Variants in CPNE8 observed in about 807,000 individuals in gnomAD.
CPNE8 encodes the protein copine 8.
A neutral mutation model predicts 81.5 loss-of-function variants in CPNE8; 45 were observed. The observed-to-expected ratio is 0.55, with a 90% CI of 0.44 to 0.71. The LOEUF (loss-of-function observed/expected upper bound fraction) is 0.71, where lower values mean the gene tolerates loss of function less well. CPNE8 is among the 30% of genes least tolerant of loss of function. The pLI is 0.00. For missense variants in CPNE8, 594 were observed against 672.1 expected (o/e 0.88, Z 1.28); for synonymous variants, 252 against 226.3 (o/e 1.11, Z -1.02).
chr12:38,673,363 T>C (rs1939221339), intron 18 of CPNE8, among the ~76,000 whole-genome samples: 1 of 152,164 alleles, frequency 6.6e-6, no homozygotes, highest in African/African-American at 2.4e-5. Flanking sequence ...TCAGTTCATA[T>C]GTGTGATATA....
At chr12:38,894,924 G>A (rs1410490715) in intron 1 of CPNE8, among the ~76,000 whole-genome samples, 1 of 152,026 alleles carries the variant, frequency 6.6e-6, no homozygotes, top group Non-Finnish European at 1.5e-5. Flanking sequence ...TGCAGACAGT[G>A]AGAAACAATT....
chr12:38,768,591 C>T (rs1425802873), intron 7 of CPNE8, among the ~76,000 whole-genome samples: 1 of 152,188 alleles, frequency 6.6e-6, no homozygotes, highest in Non-Finnish European at 1.5e-5. Flanking sequence ...ATGATCTCGG[C>T]TCACTGCAAG....
At chr12:38,869,623 TC>T (rs1943961758) in intron 3 of CPNE8, among the ~76,000 whole-genome samples, 4 of 152,186 alleles carry the variant, frequency 2.6e-5, no homozygotes, top group Admixed American at 2.6e-4. Flanking sequence ...AATGCTTGTC[TC>T]TTGCATTTCG....
At chr12:38,741,417 A>C (rs2136794453) in intron 10 of CPNE8, among the ~76,000 whole-genome samples, 1 of 152,376 alleles carries the variant, frequency 6.6e-6, no homozygotes, top group South Asian at 2.1e-4. Flanking sequence ...ACCTGACAAA[A>C]ACAAGAAATG....
At chr12:38,755,769 G>T (rs1941443175) in intron 10 of CPNE8, among the ~76,000 whole-genome samples, 1 of 152,040 alleles carries the variant, frequency 6.6e-6, no homozygotes, top group African/African-American at 2.4e-5. Flanking sequence ...GGCCGGGCGC[G>T]GTGGCTCACG....
intron 6 of CPNE8, among the ~76,000 whole-genome samples, chr12:38,787,601 T>A (rs2136920362): frequency 6.7e-6 from 1 of 149,666 alleles, no homozygotes; most frequent in East Asian, 2.0e-4. Context: ...ATAATAAAGA[T>A]CAAAGCAGAA....
chr12:38,762,674 T>A (rs1037434979), intron 8 of CPNE8, among the ~76,000 whole-genome samples: 1 of 152,000 alleles, frequency 6.6e-6, no homozygotes, highest in Non-Finnish European at 1.5e-5. Flanking sequence ...AAGAAAAAAG[T>A]TAGGCTAATT....
At chr12:38,798,657 G>C (rs944824376) in intron 6 of CPNE8, among the ~76,000 whole-genome samples, 25 of 150,750 alleles carry the variant, frequency 1.7e-4, no homozygotes, top group Admixed American at 5.3e-4. Context: ...GCAAAATAAC[G>C]AGCTAACATC....
intron 6 of CPNE8, among the ~76,000 whole-genome samples, chr12:38,828,017 T>TA (rs964587016): frequency 1.3e-5 from 2 of 152,206 alleles, no homozygotes; most frequent in Non-Finnish European, 2.9e-5. Context: ...TACCCATTCA[T>TA]AAAAATCTCT....
intron 5 of CPNE8, among the ~76,000 whole-genome samples, chr12:38,836,339 CAATT>C (rs1943380899): frequency 6.6e-6 from 1 of 152,058 alleles, no homozygotes; most frequent in Non-Finnish European, 1.5e-5. Flanking sequence ...CAAATAGAAT[CAATT>C]AAAGTAATTA....
intron 19 of CPNE8, among the ~76,000 whole-genome samples, chr12:38,655,491 T>A (rs1373189825): frequency 6.6e-6 from 1 of 152,202 alleles, no homozygotes; most frequent in East Asian, 1.9e-4. Context: ...GTTGAACAAT[T>A]TGAGTACAAT....
chr12:38,825,045 G>C (rs1380736536), intron 6 of CPNE8, among the ~76,000 whole-genome samples: 1 of 152,204 alleles, frequency 6.6e-6, no homozygotes, highest in Non-Finnish European at 1.5e-5. Context: ...GCAGGAGGCA[G>C]TGGAAACTAT....
At chr12:38,876,063 T>C (rs370640681) in intron 1 of CPNE8, among the ~76,000 whole-genome samples, 2 of 152,172 alleles carry the variant, frequency 1.3e-5, no homozygotes, top group East Asian at 3.8e-4. Flanking sequence ...GTGCAAAATA[T>C]TGTGATGTGG....
At position 38,854,120 on chromosome 12, in the gene CPNE8, A is replaced by G. The variant is rs117747351; in HGVS notation, c.187-5458T>C. Among the ~76,000 whole-genome samples, 561 of 152,214 alleles carry G rather than the reference A, an allele frequency of 3.7e-3. 5 individuals carry two copies. Among genetic ancestry groups the G allele is most frequent in the East Asian group, 0.033 (172 of 5,176 alleles). On this transcript the variant is annotated intron_variant, in intron 3 of 19. Transcript: ENST00000331366. The stretch of plus-strand genomic sequence containing the variant: ...AGTACGGTAGGCAGAATATTCTGAC[A>G]TAATATTAAGATAAATTTAATCTAA...
chr12:38,861,354 T>C (rs1178194128), intron 3 of CPNE8, among the ~76,000 whole-genome samples: 1 of 152,164 alleles, frequency 6.6e-6, no homozygotes, highest in East Asian at 1.9e-4. Context: ...TTAAAGGTCA[T>C]ATATTAAGTG....
chr12:38,894,657 C>T (rs1228388140), intron 1 of CPNE8, among the ~76,000 whole-genome samples: 1 of 65,204 alleles, frequency 1.5e-5, no homozygotes, highest in Non-Finnish European at 3.1e-5. Flanking sequence ...CACTCCAGCT[C>T]ACTCTCTCTC....
rs115595524 is a variant in CPNE8 at position 38,771,004 on chromosome 12, T to G, written c.472-3266A>C. 4.9e-3 allele frequency among the ~76,000 whole-genome samples: 753 copies of G among 152,196 alleles called. 5 individuals are homozygous for G. The highest frequency in any genetic ancestry group is 0.017 in the African/African-American group (704 of 41,522). Reference sequence around the variant, plus strand: ...GTGTTCATTAAAAACAAGGACCAGGTTTGGGGGTTGTGGTGTTGTGTTTTG... The same window carrying G: ...GTGTTCATTAAAAACAAGGACCAGGGTTGGGGGTTGTGGTGTTGTGTTTTG... On this transcript the variant is annotated intron_variant, in intron 7 of 19. Coordinates refer to ENST00000331366, the MANE Select transcript of CPNE8 (RefSeq NM_153634.3).
chr12:38,870,033 A>C (rs1943967965), intron 3 of CPNE8, among the ~76,000 whole-genome samples: 1 of 152,220 alleles, frequency 6.6e-6, no homozygotes, highest in African/African-American at 2.4e-5. Flanking sequence ...ATAAACGAAG[A>C]GCATAAAGGT....
intron 3 of CPNE8, among the ~76,000 whole-genome samples, chr12:38,863,742 T>C (rs1192148913): frequency 2.0e-5 from 3 of 152,148 alleles, no homozygotes; most frequent in African/African-American, 7.2e-5. Flanking sequence ...ATTTTACCCA[T>C]GGGATCAAGA....
Sources: allele counts gnomAD v4.1 joint callset (sites outside exome capture counted in the v4.1 genomes callset), GRCh38; gene constraint gnomAD v4.1.1; transcripts MANE v1.5; gene names NCBI Gene and HGNC (gene_info 2026-07-23, HGNC 2026-07-21).